Variants in SLC40A1 observed in about 807,000 individuals in gnomAD.
SLC40A1 encodes the protein ferroportin.
SLC40A1 carries 16 observed loss-of-function variants against 53.5 expected under a neutral mutation model. The ratio of observed to expected loss-of-function variants is 0.30; its 90% CI spans 0.20 to 0.45. The LOEUF (loss-of-function observed/expected upper bound fraction) is 0.45, where lower values mean the gene tolerates loss of function less well. Among genes scored for constraint, SLC40A1 ranks in the 20% least tolerant of loss-of-function variants. SLC40A1 has a pLI of 1.00. For synonymous variants in SLC40A1, 247 were observed against 253.2 expected (o/e 0.98, Z 0.23); for missense variants, 545 against 695.4 (o/e 0.78, Z 2.43).
intron 6 of SLC40A1, 152 bp downstream of exon 6, chr2:189,565,202 G>C (rs1263221489): frequency 1.0e-6 from 1 of 984,866 alleles, no homozygotes; most frequent in East Asian, 2.6e-5. Context: ...TCAAAAGCCT[G>C]CTCTTGCCTC....
intron 2 of SLC40A1, among the ~76,000 whole-genome samples, chr2:189,579,511 C>T (rs890321701): frequency 2.6e-5 from 4 of 152,086 alleles, no homozygotes; most frequent in Non-Finnish European, 4.4e-5. Flanking sequence ...TGTCTATTTA[C>T]CAAAGCTACT....
chr2:189,571,688 T>C (rs371240034), intron 5 of SLC40A1, 27 bp downstream of exon 5: 7 of 1,611,136 alleles, frequency 4.3e-6, no homozygotes, highest in Non-Finnish European at 5.9e-6. Flanking sequence ...AACATGCTCA[T>C]TTCATTAAAA....
At position 189,563,872 on chromosome 2, in the gene SLC40A1, TC is replaced by T; in HGVS notation, c.1113del (p.Thr372GlnfsTer3). On this transcript the variant is annotated frameshift_variant, in exon 7 of 8. Transcript: ENST00000261024. LOFTEE classifies it high-confidence loss of function. ...TWLRRKCGLV[R>X]TGLISGLAQL... ...TGTGCCAATCCTGAGATCAGACCTG[TC>T]CGAACCAAACCACATTTTCGACGTA... is the stretch of plus-strand genomic sequence containing the variant. 6.2e-7 allele frequency: 1 copy of T among 1,614,176 alleles called. No individual in the cohort carries two copies. Among genetic ancestry groups the T allele is most frequent in the Non-Finnish European group, 8.5e-7 (1 of 1,180,032 alleles).
intron 2 of SLC40A1, among the ~76,000 whole-genome samples, chr2:189,578,723 C>T (rs1016509126): frequency 3.3e-5 from 5 of 152,206 alleles, no homozygotes; most frequent in Admixed American, 3.3e-4. Flanking sequence ...ACCAATTCCA[C>T]TTTGTTTACA....
intron 6 of SLC40A1, among the ~76,000 whole-genome samples, chr2:189,565,022 CTCTCAT>C (rs1250048401): frequency 6.6e-6 from 1 of 152,072 alleles, no homozygotes; most frequent in African/African-American, 2.4e-5. Flanking sequence ...CCAAGGGATT[CTCTCAT>C]TCTCTTTTTT....
rs2030730305 is a variant in SLC40A1, at chr2:189,561,269, C to T, written c.*609G>A. The T allele has an allele frequency of 6.5e-6, 1 of 153,064 alleles. No homozygotes were observed. The highest frequency in any genetic ancestry group is 2.4e-5 in the African/African-American group (1 of 41,388). The allele number at this position is 153,064 out of a possible 1,614,324, so 9.5% of individuals were successfully genotyped here. A position where few individuals can be genotyped will look rare whatever the true frequency, so the allele number is the denominator to read the frequency against. On this transcript the variant is annotated 3_prime_UTR_variant, in exon 8 of 8. Transcript: ENST00000261024. ...TACATATGCTTCATACAATATGTTG[C>T]CCCATCTGATAATAAAAATACAAAG...
intron 1 of SLC40A1, 62 bp downstream of exon 1, chr2:189,580,356 G>A: frequency 6.5e-7 from 1 of 1,528,700 alleles, no homozygotes; most frequent in Non-Finnish European, 9.1e-7. Flanking sequence ...CTCGTGTAGA[G>A]TTGCTTGTCT....
Position 189,560,730 on chromosome 2 carries a change from A to C in SLC40A1, c.*1148T>G, listed in dbSNP as rs991777876. On this transcript the variant is annotated 3_prime_UTR_variant, in exon 8 of 8. Transcript: ENST00000261024. ...GAAAGTGCTCATAGCAACGTATTGC[A>C]GTCTCCATGAAAGTGCATATAAACG... is the stretch of plus-strand genomic sequence containing the variant. 1.3e-5 allele frequency: 2 copies of C among 152,680 alleles called. No homozygotes were observed. The highest frequency in any genetic ancestry group is 2.4e-5 in the African/African-American group (1 of 41,468). The allele number at this position is 152,680 out of a possible 1,614,324, so 9.5% of individuals were successfully genotyped here. A position where few individuals can be genotyped will look rare whatever the true frequency, so the allele number is the denominator to read the frequency against.
chr2:189,561,716 A>T lies in SLC40A1; in HGVS notation c.*162T>A. On this transcript the variant is annotated 3_prime_UTR_variant, in exon 8 of 8. Coordinates refer to ENST00000261024, the MANE Select transcript of SLC40A1 (RefSeq NM_014585.6). ...TCAACATAAGGGAAATTAATCAGTT[A>T]ATTTCTGCTGACTTAGGTTTCCTAA... is the stretch of plus-strand genomic sequence containing the variant. 1 of 643,812 alleles carries T rather than the reference A, an allele frequency of 1.6e-6. No homozygotes were observed. Among genetic ancestry groups the T allele is most frequent in the Non-Finnish European group, 2.7e-6 (1 of 371,810 alleles). The allele number at this position is 643,812 out of a possible 1,614,324, so 39.9% of individuals were successfully genotyped here.
chr2:189,579,433 A>G (rs544170147), intron 2 of SLC40A1, among the ~76,000 whole-genome samples: 1 of 152,360 alleles, frequency 6.6e-6, no homozygotes, highest in East Asian at 1.9e-4. Context: ...AAAAAAAGAA[A>G]ACAAAATATT....
Position 189,565,433 on chromosome 2 carries a change from G to A in SLC40A1, c.681C>T (p.Tyr227=), listed in dbSNP as rs2030906496. 6.2e-7 allele frequency: 1 copy of A among 1,614,184 alleles called. No individual in the cohort carries two copies. The highest frequency in any genetic ancestry group is 8.5e-7 in the Non-Finnish European group (1 of 1,180,028). ...TCACAGCTAGAGCTGGGGTTTTCTG[G>A]TAAACCTTCCAGAGCAGAACGTACT... ...CVEYVLLWKV[Y]QKTPALAVKA... The change falls in exon 6 of 8, where the codon TAC becomes TAT. Residue 227 remains tyrosine, a synonymous_variant. Coordinates refer to ENST00000261024, the MANE Select transcript of SLC40A1 (RefSeq NM_014585.6).
chr2:189,569,731 A>G (rs1242864615), intron 5 of SLC40A1, among the ~76,000 whole-genome samples: 1 of 152,232 alleles, frequency 6.6e-6, no homozygotes, highest in Non-Finnish European at 1.5e-5. Context: ...GCTAATGTAG[A>G]GTGGACAAGA....
chr2:189,564,646 C>T (rs1455284258), intron 6 of SLC40A1, among the ~76,000 whole-genome samples: 1 of 152,132 alleles, frequency 6.6e-6, no homozygotes, highest in African/African-American at 2.4e-5. Flanking sequence ...CAAGACCATC[C>T]TGGCTAACAT....
intron 2 of SLC40A1, among the ~76,000 whole-genome samples, chr2:189,578,719 T>C (rs35623329): frequency 0.19 from 28,589 of 152,178 alleles, 3,421 homozygotes; most frequent in Non-Finnish European, 0.27. Context: ...TCACACCAAT[T>C]CCACTTTGTT....
At chr2:189,576,525 C>G (rs1201667597) in intron 2 of SLC40A1, among the ~76,000 whole-genome samples, 3 of 152,094 alleles carry the variant, frequency 2.0e-5, no homozygotes, top group Admixed American at 6.5e-5. Context: ...CTTCTCCTAC[C>G]CCCACCCCAC....
chr2:189,575,544 A>G (rs965645752), intron 2 of SLC40A1, among the ~76,000 whole-genome samples: 8 of 152,236 alleles, frequency 5.3e-5, no homozygotes, highest in African/African-American at 1.9e-4. Context: ...AAAAGGCATG[A>G]TATTAATGAA....
At chr2:189,578,833 T>C (rs938862847) in intron 2 of SLC40A1, among the ~76,000 whole-genome samples, 1 of 152,192 alleles carries the variant, frequency 6.6e-6, no homozygotes, top group Non-Finnish European at 1.5e-5. Context: ...GAACCAATAA[T>C]GTAGCTTAAC....
rs1047036686 is a variant in SLC40A1, at chr2:189,565,485, C to G, written c.629G>C (p.Gly210Ala). ...CACGCACATGGATACCAAGTTCCAT[C>G]CCGAAATAAAGCCACAGCCGATGAC... ...SPVIGCGFIS[G>A]WNLVSMCVEY... is the part of the protein sequence containing the mutation. The change falls in exon 6 of 8, where the codon GGA (glycine) becomes GCA (alanine). Residue 210 changes from glycine to alanine, a missense_variant. Physicochemically the swap from Gly to Ala is moderately conservative, Grantham distance 60 (BLOSUM62 0). Around this residue, in one of 4 missense-constraint regions of SLC40A1, gnomAD observed 197 missense variants for 278.8 expected, o/e 0.71. Transcript: ENST00000261024. 16 of 1,614,152 alleles carry G rather than the reference C, an allele frequency of 9.9e-6. No individual in the cohort carries two copies. The highest frequency in any genetic ancestry group is 1.3e-5 in the African/African-American group (1 of 74,944).
At chr2:189,562,932 G>A (rs1479948758) in intron 7 of SLC40A1, among the ~76,000 whole-genome samples, 3 of 151,494 alleles carry the variant, frequency 2.0e-5, no homozygotes, top group Admixed American at 2.0e-4. Context: ...TTGTCCTATG[G>A]GAATATTTTC....
Sources: allele counts gnomAD v4.1 joint callset (sites outside exome capture counted in the v4.1 genomes callset), GRCh38; gene constraint gnomAD v4.1.1; regional missense constraint gnomAD v4.1.1; transcripts MANE v1.5; gene names NCBI Gene and HGNC (gene_info 2026-07-23, HGNC 2026-07-21).